Variants in ZDHHC21 observed in about 807,000 individuals in gnomAD.
ZDHHC21 encodes the protein zDHHC palmitoyltransferase 21.
A neutral mutation model predicts 34.6 loss-of-function variants in ZDHHC21; 15 were observed. That is an observed-to-expected ratio of 0.43 (90% confidence interval 0.29 to 0.67). The LOEUF is 0.67. Ranked by LOEUF, ZDHHC21 falls within the 30% of genes least tolerant of loss-of-function variation. The pLI is 0.14. For missense variants in ZDHHC21, 344 were observed against 327.7 expected (o/e 1.05, Z -0.38); for synonymous variants, 142 against 101.8 (o/e 1.40, Z -2.38).
At chr9:14,595,724 G>T in the ZDHHC21 span, among the ~76,000 whole-genome samples, 1 of 152,180 alleles carries the variant, frequency 6.6e-6, no homozygotes, top group South Asian at 2.1e-4. Flanking sequence ...AATTAAAAAT[G>T]GTCAAAAGAT....
intron 7 of ZDHHC21, among the ~76,000 whole-genome samples, chr9:14,644,506 G>GTT (rs965304313): frequency 6.7e-6 from 1 of 148,624 alleles, no homozygotes; most frequent in African/African-American, 2.5e-5. Context: ...GATTTTGTGT[G>GTT]TTTTTTTTTT....
Position 14,658,707 on chromosome 9 carries a change from G to A in ZDHHC21, c.504+42C>T, listed in dbSNP as rs200592061. ...AGGATGGTCTCGATCTCCTGACCTC[G>A]TGATCCGCCCGCCTCGGCCTCCCAA... is the stretch of plus-strand genomic sequence containing the variant. On this transcript the variant is annotated intron_variant, in intron 7 of 9. Transcript: ENST00000380916. The A allele has an allele frequency of 5.7e-5, 90 of 1,577,244 alleles. 1 individual carries two copies. The highest frequency in any genetic ancestry group is 5.6e-4 in the South Asian group (50 of 89,930).
At chr9:14,603,733 G>A in the ZDHHC21 span, among the ~76,000 whole-genome samples, 1 of 152,120 alleles carries the variant, frequency 6.6e-6, no homozygotes, top group Admixed American at 6.6e-5. Flanking sequence ...TTATCTACCT[G>A]TGAAATATTT....
At chr9:14,672,285 G>T (rs975216824) in intron 5 of ZDHHC21, among the ~76,000 whole-genome samples, 1 of 151,898 alleles carries the variant, frequency 6.6e-6, no homozygotes, top group African/African-American at 2.4e-5. Context: ...CAACTCTCTA[G>T]GCATTCAATA....
chr9:14,680,648 C>T (rs989194362), intron 2 of ZDHHC21, among the ~76,000 whole-genome samples: 2 of 152,108 alleles, frequency 1.3e-5, no homozygotes, highest in African/African-American at 2.4e-5. Context: ...AAAAAACATA[C>T]TGTAAAGTAC....
the ZDHHC21 span, among the ~76,000 whole-genome samples, chr9:14,594,865 T>C: frequency 1.3e-5 from 2 of 152,152 alleles, no homozygotes; most frequent in Admixed American, 6.5e-5. Flanking sequence ...GGCAAAAATT[T>C]TGAATAGACA....
In ZDHHC21 at chr9:14,679,187, T is replaced by C. The variant is rs77050688; in HGVS notation, c.-46+846A>G. On this transcript the variant is annotated intron_variant, in intron 3 of 9. Coordinates refer to ENST00000380916, the MANE Select transcript of ZDHHC21 (RefSeq NM_178566.6). ...ACCAATACAGAGATCTAGTTAGCAA[T>C]ATGTATACTGAATTATGTAGAGAGG... is the stretch of plus-strand genomic sequence containing the variant. Among the ~76,000 whole-genome samples, 410 of 152,182 alleles carry C rather than the reference T, an allele frequency of 2.7e-3. 1 individual carries two copies. The highest frequency in any genetic ancestry group is 9.3e-3 in the African/African-American group (388 of 41,552).
At chr9:14,625,933 A>G (rs1826127281) in intron 8 of ZDHHC21, among the ~76,000 whole-genome samples, 1 of 151,956 alleles carries the variant, frequency 6.6e-6, no homozygotes, top group African/African-American at 2.4e-5. Flanking sequence ...TGGAACTTAC[A>G]ATCTAGTAAA....
At chr9:14,619,837 C>A (rs919594141) in intron 8 of ZDHHC21, among the ~76,000 whole-genome samples, 155 bp from the exon 9 acceptor site, 1 of 151,338 alleles carries the variant, frequency 6.6e-6, no homozygotes, top group Non-Finnish European at 1.5e-5. Context: ...ATCTTTCATA[C>A]ATTGCTGGAA....
At position 14,658,898 on chromosome 9, in the gene ZDHHC21, A is replaced by C; in HGVS notation, c.366-11T>G. 6.3e-7 allele frequency: 1 copy of C among 1,595,300 alleles called. No homozygotes were observed. The highest frequency in any genetic ancestry group is 8.5e-7 in the Non-Finnish European group (1 of 1,174,490). On this transcript the variant is annotated splice_polypyrimidine_tract_variant and intron_variant, in intron 6 of 9. Transcript: ENST00000380916. ...ACACAATTGTTAATCCTAAAGAAAA[A>C]AAATGAAAAAGAAACAATATTTTAA...
At chr9:14,689,635 T>C (rs12708257) in intron 2 of ZDHHC21, among the ~76,000 whole-genome samples, 74,790 of 152,020 alleles carry the variant, frequency 0.49, 18,590 homozygotes, top group African/African-American at 0.52. Flanking sequence ...GTATTAATAC[T>C]GCTAACACTA....
downstream of ZDHHC21, among the ~76,000 whole-genome samples, chr9:14,608,265 A>G (rs1239862081): frequency 6.6e-6 from 1 of 152,176 alleles, no homozygotes; most frequent in Non-Finnish European, 1.5e-5. Context: ...TCCATCTCGT[A>G]CTAGGTACTC....
At chr9:14,665,886 G>A (rs1158984103) in intron 5 of ZDHHC21, among the ~76,000 whole-genome samples, 8 of 150,140 alleles carry the variant, frequency 5.3e-5, no homozygotes, top group South Asian at 2.2e-4. Context: ...ACCAGCCGCT[G>A]CAAAATCATG....
At chr9:14,674,092 T>C (rs1835923757) in intron 4 of ZDHHC21, 95 bp downstream of exon 4, 2 of 739,454 alleles carry the variant, frequency 2.7e-6, no homozygotes, top group East Asian at 3.3e-5. Flanking sequence ...ATACTAAATA[T>C]ATTAAAAGGA....
intron 8 of ZDHHC21, among the ~76,000 whole-genome samples, chr9:14,639,628 G>C (rs957532115): frequency 2.0e-5 from 3 of 151,978 alleles, no homozygotes; most frequent in African/African-American, 7.2e-5. Context: ...AAATACGTAA[G>C]ATACTGTGTA....
intron 9 of ZDHHC21, 51 bp downstream of exon 9, chr9:14,619,588 C>G: frequency 3.1e-6 from 4 of 1,280,532 alleles, no homozygotes; most frequent in South Asian, 1.3e-5. Flanking sequence ...TCAAGTATGT[C>G]CAGTTCTTTC....
At chr9:14,647,135 G>A in intron 7 of ZDHHC21, among the ~76,000 whole-genome samples, 1 of 152,042 alleles carries the variant, frequency 6.6e-6, no homozygotes, top group South Asian at 2.1e-4. Flanking sequence ...ACATACTTAT[G>A]TCCTCACACA....
intron 5 of ZDHHC21, among the ~76,000 whole-genome samples, chr9:14,664,013 G>A (rs181077780): frequency 2.0e-5 from 3 of 152,180 alleles, no homozygotes; most frequent in Non-Finnish European, 4.4e-5. Context: ...GAGCCAAGAT[G>A]GCCGAATAGG....
chr9:14,605,818 G>A, the ZDHHC21 span, among the ~76,000 whole-genome samples: 1 of 152,084 alleles, frequency 6.6e-6, no homozygotes, highest in Non-Finnish European at 1.5e-5. Flanking sequence ...CAGATCTTAT[G>A]TGTTGTTAAT....
Sources: allele counts gnomAD v4.1 joint callset (sites outside exome capture counted in the v4.1 genomes callset), GRCh38; gene constraint gnomAD v4.1.1; transcripts MANE v1.5; gene names NCBI Gene and HGNC (gene_info 2026-07-23, HGNC 2026-07-21).